Variants in BMPR1B observed in about 807,000 individuals in gnomAD.
The protein encoded by BMPR1B is bone morphogenetic protein receptor type-1B.
A neutral mutation model predicts 59.1 loss-of-function variants in BMPR1B; 12 were observed. The observed-to-expected ratio is 0.20, with a 90% CI of 0.13 to 0.33. The LOEUF is 0.33. Among genes scored for constraint, BMPR1B ranks in the 10% least tolerant of loss-of-function variants. The pLI, the probability that BMPR1B is intolerant of heterozygous loss-of-function variation, is 1.00. For synonymous variants in BMPR1B, 237 were observed against 207.3 expected (o/e 1.14, Z -1.23); for missense variants, 550 against 610.9 (o/e 0.90, Z 1.05).
chr4:94,946,658 C>T (rs1729720267), intron 2 of BMPR1B, among the ~76,000 whole-genome samples: 2 of 152,108 alleles, frequency 1.3e-5, no homozygotes, highest in Admixed American at 1.3e-4. Flanking sequence ...TTAGTTCATC[C>T]AGTCAAGCAA....
intron 1 of BMPR1B, among the ~76,000 whole-genome samples, chr4:94,759,712 A>T (rs1721683150): frequency 6.6e-6 from 1 of 152,264 alleles, no homozygotes; most frequent in African/African-American, 2.4e-5. Context: ...AACATGAGAC[A>T]TGCCGGTGAT....
intron 3 of BMPR1B, among the ~76,000 whole-genome samples, chr4:95,021,136 C>T (rs566250399): frequency 1.3e-5 from 2 of 152,292 alleles, no homozygotes; most frequent in East Asian, 1.9e-4. Flanking sequence ...TAACAAATAG[C>T]GTATTCCTAA....
At chr4:94,924,085 G>A (rs1039706343) in intron 2 of BMPR1B, among the ~76,000 whole-genome samples, 3 of 152,084 alleles carry the variant, frequency 2.0e-5, no homozygotes, top group Non-Finnish European at 2.9e-5. Flanking sequence ...TGACCCTTCC[G>A]AGGAGTATTT....
At chr4:94,945,464 G>T (rs1729673290) in intron 2 of BMPR1B, among the ~76,000 whole-genome samples, 1 of 152,102 alleles carries the variant, frequency 6.6e-6, no homozygotes, top group Non-Finnish European at 1.5e-5. Flanking sequence ...TTTAGACAGG[G>T]TCTTGCTCTG....
intron 10 of BMPR1B, among the ~76,000 whole-genome samples, chr4:95,135,494 G>T (rs1363834141): frequency 6.6e-6 from 1 of 152,172 alleles, no homozygotes; most frequent in East Asian, 1.9e-4. Flanking sequence ...CTATCCATGA[G>T]CATGGAAAGT....
At chr4:95,092,961 G>A (rs1160124408) in intron 3 of BMPR1B, among the ~76,000 whole-genome samples, 1 of 152,092 alleles carries the variant, frequency 6.6e-6, no homozygotes, top group Non-Finnish European at 1.5e-5. Flanking sequence ...TAAAACCATA[G>A]CTCCTGGCTT....
At chr4:94,974,427 C>A (rs1398795550) in intron 2 of BMPR1B, among the ~76,000 whole-genome samples, 1 of 152,134 alleles carries the variant, frequency 6.6e-6, no homozygotes. Context: ...CCTTGTCAGA[C>A]TAGCTTTCAG....
intron 2 of BMPR1B, among the ~76,000 whole-genome samples, chr4:94,972,203 G>C (rs1730820860): frequency 6.6e-6 from 1 of 151,736 alleles, no homozygotes; most frequent in East Asian, 1.9e-4. Flanking sequence ...CTTCTTTACA[G>C]AGTATTTTGG....
intron 1 of BMPR1B, among the ~76,000 whole-genome samples, chr4:94,803,328 C>T (rs1723479501): frequency 6.6e-6 from 1 of 152,156 alleles, no homozygotes; most frequent in African/African-American, 2.4e-5. Context: ...TAATCTGGCA[C>T]TGTTCAGGAA....
intron 2 of BMPR1B, among the ~76,000 whole-genome samples, chr4:94,893,071 G>T (rs975194893): frequency 1.8e-4 from 27 of 151,814 alleles, no homozygotes; most frequent in South Asian, 6.2e-4. Context: ...ACAATTTTAG[G>T]TTTTTTTTGG....
At chr4:95,073,973 T>A (rs780844261) in intron 3 of BMPR1B, among the ~76,000 whole-genome samples, 10 of 152,196 alleles carry the variant, frequency 6.6e-5, no homozygotes, top group Non-Finnish European at 1.3e-4. Flanking sequence ...ATTGTCGAGA[T>A]AAACACTCTA....
intron 2 of BMPR1B, among the ~76,000 whole-genome samples, chr4:94,989,186 C>T (rs1334071477): frequency 6.6e-6 from 1 of 151,784 alleles, no homozygotes; most frequent in African/African-American, 2.4e-5. Context: ...GTGAAGAGAT[C>T]GAGACCATCC....
intron 3 of BMPR1B, among the ~76,000 whole-genome samples, chr4:95,001,100 T>G (rs1722412477): frequency 6.6e-6 from 1 of 151,280 alleles, no homozygotes; most frequent in Non-Finnish European, 1.5e-5. Flanking sequence ...AAGGCCAGTA[T>G]TTTTTTTTAT....
chr4:95,051,770 G>T (rs762324676), intron 3 of BMPR1B: 8 of 1,535,420 alleles, frequency 5.2e-6, no homozygotes, highest in South Asian at 2.4e-5. Flanking sequence ...ATGCACACAA[G>T]GGGTAAGAAG....
chr4:94,965,805 T>C (rs1730533654), intron 2 of BMPR1B, among the ~76,000 whole-genome samples: 1 of 150,646 alleles, frequency 6.6e-6, no homozygotes, highest in African/African-American at 2.5e-5. Context: ...TTTACACATA[T>C]GCACAGGAGT....
intron 2 of BMPR1B, among the ~76,000 whole-genome samples, chr4:94,952,783 TC>T (rs2149056667): frequency 6.6e-6 from 1 of 152,314 alleles, no homozygotes; most frequent in South Asian, 2.1e-4. Context: ...GTCTGCTTGG[TC>T]CAGAGCTGAG....
In BMPR1B at chr4:95,154,935, T is replaced by G; in HGVS notation, c.*262T>G. On this transcript the variant is annotated 3_prime_UTR_variant, in exon 13 of 13. Transcript: ENST00000515059. ...TCAAGATATGATGCATGTTGCTTTC[T>G]AAGAAAGCCCTGTATTTTGTGATTG... 4.5e-6 allele frequency: 2 copies of G among 445,272 alleles called. No homozygotes were observed. The highest frequency in any genetic ancestry group is 5.2e-5 in the South Asian group (2 of 38,340). 27.6% of individuals were successfully genotyped at this position (445,272 alleles called of 1,614,324 possible).
At chr4:95,018,953 T>A (rs762561041) in intron 3 of BMPR1B, among the ~76,000 whole-genome samples, 62 of 152,156 alleles carry the variant, frequency 4.1e-4, no homozygotes, top group Middle Eastern at 3.2e-3. Context: ...TGATAATCCT[T>A]GTCAGCAATG....
chr4:94,817,853 T>A (rs1018802707), intron 1 of BMPR1B, among the ~76,000 whole-genome samples: 5 of 152,178 alleles, frequency 3.3e-5, no homozygotes, highest in African/African-American at 1.2e-4. Context: ...TCATGGGAGT[T>A]TCTTATTCTG....
Sources: allele counts gnomAD v4.1 joint callset (sites outside exome capture counted in the v4.1 genomes callset), GRCh38; gene constraint gnomAD v4.1.1; transcripts MANE v1.5; gene names NCBI Gene and HGNC (gene_info 2026-07-23, HGNC 2026-07-21).